The following POM121L12 variants were observed in gnomAD, a reference collection of about 807,000 sequenced individuals.
POM121L12 encodes the protein POM121-like protein 12.
For missense variants in POM121L12, 553 were observed against 409.2 expected (o/e 1.35, Z -3.03); for synonymous variants, 251 against 179.2 (o/e 1.40, Z -3.20).
rs374272329 is a variant in POM121L12 at position 53,035,749 on chromosome 7, C to G, written c.78C>G (p.Pro26=). The stretch of plus-strand genomic sequence containing the variant: ...CGGGAGAACCCCTGCTGCAAGGCCC[C>G]GACGCCCTGGCGGCTCCCATGAGCA... The part of the protein sequence containing the change: ...WKAGEPLLQG[P]DALAAPMSRS... The change falls in exon 1 of 1, where the codon CCC becomes CCG. Residue 26 remains proline (P), a synonymous_variant. Transcript: ENST00000408890. 15 of 1,613,346 alleles carry G rather than the reference C, an allele frequency of 9.3e-6. No individual in the cohort carries two copies. The highest frequency in any genetic ancestry group is 1.3e-5 in the African/African-American group (1 of 74,924).
At position 53,036,497 on chromosome 7, in the gene POM121L12, G is replaced by A. The variant is rs765574512; in HGVS notation, c.826G>A (p.Gly276Ser). The change falls in exon 1 of 1, where the codon GGC becomes AGC. Residue 276 changes from glycine to serine, a missense_variant. Gly to Ser is a moderately conservative substitution (Grantham distance 56, BLOSUM62 0). Transcript: ENST00000408890. ...CTGGGAGGCGACAACGCCTTCCTGC[G>A]GCAGCTGCAGTAGGGTCTCCTTCGC... ...DFWEATTPSC[G>S]SCSRVSFALE... 1.2e-6 allele frequency: 2 copies of A among 1,613,902 alleles called. No individual in the cohort carries two copies. Among genetic ancestry groups the A allele is most frequent in the South Asian group, 1.1e-5 (1 of 91,076 alleles).
rs1395465893 is a variant in POM121L12, at chr7:53,036,196, G to A, written c.525G>A (p.Arg175=). The change falls in exon 1 of 1, where the codon CGG becomes CGA. Residue 175 remains arginine, a synonymous_variant. Coordinates refer to ENST00000408890, the MANE Select transcript of POM121L12 (RefSeq NM_182595.4). The stretch of plus-strand genomic sequence containing the variant: ...AGGAGCTCCTGGACCCCTGCACCCG[G>A]GAGACTCTGCTGGGGGCGCTCAGCC... ...AAQELLDPCT[R]ETLLGALSQC... 2 of 1,612,160 alleles carry A rather than the reference G, an allele frequency of 1.2e-6. No individual in the cohort carries two copies. Among genetic ancestry groups the A allele is most frequent in the Non-Finnish European group, 1.7e-6 (2 of 1,179,732 alleles).
chr7:53,036,144 C>CCCGCCCCGCAGG lies in POM121L12; in HGVS notation c.483_494dup (p.Gly162_Ala165dup), dbSNP rs1374477957. On this transcript the variant is annotated inframe_insertion, in exon 1 of 1. Coordinates refer to ENST00000408890, the MANE Select transcript of POM121L12 (RefSeq NM_182595.4). ...CCCTGGAGATCCCCTGGACAGAGAG[C>CCCGCCCCGCAGG]CCGCCCCGCAGGCCGCCCCGCCGCC... 3 of 1,610,538 alleles carry CCCGCCCCGCAGG rather than the reference C, an allele frequency of 1.9e-6. No individual in the cohort carries two copies. The highest frequency in any genetic ancestry group is 1.3e-5 in the African/African-American group (1 of 74,798).
At position 53,036,402 on chromosome 7, in the gene POM121L12, G is replaced by T; in HGVS notation, c.731G>T (p.Ser244Ile). ...GPLKPSLGPW[S>I]LSFCDDAWPS... The stretch of plus-strand genomic sequence containing the variant: ...CTGAAGCCGAGCCTCGGCCCCTGGA[G>T]CCTCAGTTTTTGTGATGATGCTTGG... The change falls in exon 1 of 1, where the codon AGC becomes ATC. Residue 244 changes from serine (S) to isoleucine (I), a missense_variant. Ser to Ile is a moderately radical substitution (Grantham distance 142). Transcript: ENST00000408890. The T allele has an allele frequency of 6.2e-7, 1 of 1,613,778 alleles. No homozygotes were observed. The highest frequency in any genetic ancestry group is 8.5e-7 in the Non-Finnish European group (1 of 1,180,006).
rs778601758 is a variant in POM121L12, at chr7:53,036,696, G to T, written c.*134G>T. 3 of 973,992 alleles carry T rather than the reference G, an allele frequency of 3.1e-6. No individual in the cohort carries two copies. Among genetic ancestry groups the T allele is most frequent in the Non-Finnish European group, 4.5e-6 (3 of 661,828 alleles). 60.3% of individuals were successfully genotyped at this position (973,992 alleles called of 1,614,324 possible). On this transcript the variant is annotated 3_prime_UTR_variant, in exon 1 of 1. Coordinates refer to ENST00000408890, the MANE Select transcript of POM121L12 (RefSeq NM_182595.4). Reference sequence around the variant, plus strand: ...CATGCAGCCCCCACACCCCTCGTCTGCCCGCCCCCAGATCTTCCCTCTGTG... The same window carrying T: ...CATGCAGCCCCCACACCCCTCGTCTTCCCGCCCCCAGATCTTCCCTCTGTG...
Position 53,036,162 on chromosome 7 carries a change from C to A in POM121L12, c.491C>A (p.Pro164His), listed in dbSNP as rs1358921097. ...PGQRARPAGR[P>H]AAQELLDPCT... ...CAGAGAGCCCGCCCCGCAGGCCGCC[C>A]CGCCGCCCAGGAGCTCCTGGACCCC... The change falls in exon 1 of 1, where the codon CCC becomes CAC. Residue 164 changes from proline to histidine, a missense_variant. Physicochemically the swap from Pro to His is moderately conservative, Grantham distance 77. Coordinates refer to ENST00000408890, the MANE Select transcript of POM121L12 (RefSeq NM_182595.4). The A allele has an allele frequency of 6.2e-7, 1 of 1,609,556 alleles. No individual in the cohort carries two copies. The highest frequency in any genetic ancestry group is 2.2e-5 in the East Asian group (1 of 44,764).
chr7:53,036,347 G>T lies in POM121L12; in HGVS notation c.676G>T (p.Val226Phe), dbSNP rs1583692446. 5 of 1,614,028 alleles carry T rather than the reference G, an allele frequency of 3.1e-6. No homozygotes were observed. The highest frequency in any genetic ancestry group is 4.2e-6 in the Non-Finnish European group (5 of 1,180,014). The change falls in exon 1 of 1, where the codon GTT becomes TTT. Residue 226 changes from valine to phenylalanine, a missense_variant. By Grantham distance (50) the Val-to-Phe change is conservative. Coordinates refer to ENST00000408890, the MANE Select transcript of POM121L12 (RefSeq NM_182595.4). The part of the protein sequence containing the change: ...AFKPLSKNGA[V>F]ASFVPRPGPL... ...CAAGCCCCTGAGCAAAAATGGAGCG[G>T]TTGCTTCCTTCGTGCCCAGGCCAGG...
rs1364493136 is a variant in POM121L12 at position 53,036,603 on chromosome 7, A to G, written c.*41A>G. 1 of 1,549,348 alleles carries G rather than the reference A, an allele frequency of 6.5e-7. No individual in the cohort carries two copies. Among genetic ancestry groups the G allele is most frequent in the Non-Finnish European group, 8.7e-7 (1 of 1,148,814 alleles). ...TACCCACCTCCGGAGACACAAGCCC[A>G]CGTATCTACTTTCACTTGCTCATCC... On this transcript the variant is annotated 3_prime_UTR_variant, in exon 1 of 1. Coordinates refer to ENST00000408890, the MANE Select transcript of POM121L12 (RefSeq NM_182595.4).
rs755281512 is a variant in POM121L12 at position 53,036,255 on chromosome 7, C to A, written c.584C>A (p.Pro195Gln). 3 of 1,614,034 alleles carry A rather than the reference C, an allele frequency of 1.9e-6. No individual in the cohort carries two copies. The highest frequency in any genetic ancestry group is 2.5e-6 in the Non-Finnish European group (3 of 1,180,000). The change falls in exon 1 of 1, where the codon CCG (proline) becomes CAG (glutamine). Residue 195 changes from proline (P) to glutamine (Q), a missense_variant. Coordinates refer to ENST00000408890, the MANE Select transcript of POM121L12 (RefSeq NM_182595.4). ...CPKGSARFDGPLWFEVSDSKG... is the reference protein window; with the variant it reads ...CPKGSARFDGQLWFEVSDSKG... Reference sequence around the variant, plus strand: ...AAGGGAAGCGCTAGGTTCGACGGGCCGTTGTGGTTCGAGGTCTCAGACAGC... The same window carrying A: ...AAGGGAAGCGCTAGGTTCGACGGGCAGTTGTGGTTCGAGGTCTCAGACAGC...
In POM121L12 at chr7:53,036,871, A is replaced by ATC. The variant is rs1352559768; in HGVS notation, c.*309_*310insTC. On this transcript the variant is annotated 3_prime_UTR_variant, in exon 1 of 1. Coordinates refer to ENST00000408890, the MANE Select transcript of POM121L12 (RefSeq NM_182595.4). ...TCCATGTCTCCCAGTTTGTATAGTT[A>ATC]AATTGTCCAGTTGTATAGTTAAATA... 8 of 371,188 alleles carry ATC rather than the reference A, an allele frequency of 2.2e-5. No individual in the cohort carries two copies. The highest frequency in any genetic ancestry group is 4.2e-5 in the Admixed American group (1 of 23,792). 23.0% of individuals were successfully genotyped at this position (371,188 alleles called of 1,614,324 possible). A position where few individuals can be genotyped will look rare whatever the true frequency, so the allele number is the denominator to read the frequency against.
In POM121L12 at chr7:53,035,699, G is replaced by A. The variant is rs1376840772; in HGVS notation, c.28G>A (p.Ala10Thr). 4 of 1,601,232 alleles carry A rather than the reference G, an allele frequency of 2.5e-6. No individual in the cohort carries two copies. In the African/African-American group the frequency reaches 4.0e-5, roughly 16 times the overall value. ...GGGCGCTGCAGCTCCGGCCGAGTCC[G>A]CAGACCTCGGGAACTTCTGGAAGGC... MGAAAPAES[A>T]DLGNFWKAGE... Residue 10 changes from alanine (A) to threonine (T), a missense_variant, in exon 1 of 1, where the codon GCA (alanine) becomes ACA (threonine). Coordinates refer to ENST00000408890, the MANE Select transcript of POM121L12 (RefSeq NM_182595.4).
Position 53,036,254 on chromosome 7 carries a change from C to T in POM121L12, c.583C>T (p.Pro195Ser), listed in dbSNP as rs1282004072. Residue 195 changes from proline to serine, a missense_variant, in exon 1 of 1, where the codon CCG (proline) becomes TCG (serine). Transcript: ENST00000408890. ...CPKGSARFDG[P>S]LWFEVSDSKG... ...CAAGGGAAGCGCTAGGTTCGACGGG[C>T]CGTTGTGGTTCGAGGTCTCAGACAG... 6.2e-7 allele frequency: 1 copy of T among 1,614,044 alleles called. No individual in the cohort carries two copies. The highest frequency in any genetic ancestry group is 2.2e-5 in the East Asian group (1 of 44,832).
rs527696246 is a variant in POM121L12, at chr7:53,035,967, G to T, written c.296G>T (p.Arg99Leu). The change falls in exon 1 of 1, where the codon CGC becomes CTC. Residue 99 changes from arginine to leucine, a missense_variant. Arg to Leu is a moderately radical substitution (Grantham distance 102). Coordinates refer to ENST00000408890, the MANE Select transcript of POM121L12 (RefSeq NM_182595.4). ...CGGGTGGTCTCCGAGGGCTGGAGGC[G>T]CCCTGCCCTTCCCGGGGAGACCGCT... ...PQRVVSEGWR[R>L]PALPGETALG... The T allele has an allele frequency of 3.1e-6, 5 of 1,612,388 alleles. No homozygotes were observed. The highest frequency in any genetic ancestry group is 1.1e-5 in the South Asian group (1 of 91,044).
rs773409594 is a variant in POM121L12, at chr7:53,035,788, G to T, written c.117G>T (p.Thr39=). Residue 39 remains threonine, a synonymous_variant, in exon 1 of 1, where the codon ACG becomes ACT. Coordinates refer to ENST00000408890, the MANE Select transcript of POM121L12 (RefSeq NM_182595.4). ...LAAPMSRSPS[T]PQTTPSPQGR... is the part of the protein sequence containing the mutation. Reference sequence around the variant, plus strand: ...CTCCCATGAGCAGGTCACCCAGCACGCCCCAGACCACGCCATCTCCCCAGG... The same window carrying T: ...CTCCCATGAGCAGGTCACCCAGCACTCCCCAGACCACGCCATCTCCCCAGG... The T allele has an allele frequency of 1.9e-6, 3 of 1,613,648 alleles. No individual in the cohort carries two copies. Among genetic ancestry groups the T allele is most frequent in the South Asian group, 1.1e-5 (1 of 91,076 alleles).
In POM121L12 at chr7:53,036,000, G is replaced by A; in HGVS notation, c.329G>A (p.Arg110Gln). ...CTTCCCGGGGAGACCGCTCTGGGGC[G>A]AGACCTCTCCTGTGCCTGGGAGGGT... Reference protein sequence around the residue: ...PALPGETALGRDLSCAWEGCM... With the variant: ...PALPGETALGQDLSCAWEGCM... Residue 110 changes from arginine (R) to glutamine (Q), a missense_variant, in exon 1 of 1, where the codon CGA becomes CAA. Transcript: ENST00000408890. 6.2e-7 allele frequency: 1 copy of A among 1,613,022 alleles called. No individual in the cohort carries two copies.
the POM121L12 span, chr7:53,036,097 G>GC: frequency 4.3e-6 from 7 of 1,612,176 alleles, no homozygotes; most frequent in South Asian, 7.7e-5. Context: ...TCGGGATCGC[G>GC]CCCCCTGAGC....
At position 53,036,644 on chromosome 7, in the gene POM121L12, G is replaced by A; in HGVS notation, c.*82G>A. On this transcript the variant is annotated 3_prime_UTR_variant, in exon 1 of 1. Coordinates refer to ENST00000408890, the MANE Select transcript of POM121L12 (RefSeq NM_182595.4). ...TTGCTCATCCTTGCTCTACCTCAAC[G>A]TGGGGCCCTGACACCACGTTATCAA... 6.9e-7 allele frequency: 1 copy of A among 1,443,366 alleles called. No homozygotes were observed. Among genetic ancestry groups the A allele is most frequent in the South Asian group, 1.3e-5 (1 of 74,092 alleles). The allele number at this position is 1,443,366 out of a possible 1,614,324, so 89.4% of individuals were successfully genotyped here.
In POM121L12 at chr7:53,036,340, T is replaced by C; in HGVS notation, c.669T>C (p.Asn223=). 1 of 1,613,812 alleles carries C rather than the reference T, an allele frequency of 6.2e-7. No homozygotes were observed. Among genetic ancestry groups the C allele is most frequent in the East Asian group, 2.2e-5 (1 of 44,836 alleles). ...CTGCCTTCAAGCCCCTGAGCAAAAA[T>C]GGAGCGGTTGCTTCCTTCGTGCCCA... ...RPSAFKPLSK[N]GAVASFVPRP... is the part of the protein sequence containing the mutation. The change falls in exon 1 of 1, where the codon AAT becomes AAC. Residue 223 remains asparagine (N), a synonymous_variant. Coordinates refer to ENST00000408890, the MANE Select transcript of POM121L12 (RefSeq NM_182595.4).
chr7:53,036,470 T>C lies in POM121L12; in HGVS notation c.799T>C (p.Phe267Leu). Residue 267 changes from phenylalanine (F) to leucine (L), a missense_variant, in exon 1 of 1, where the codon TTC becomes CTC. Phe to Leu is a conservative substitution (Grantham distance 22). Transcript: ENST00000408890. ...VQPAPSAIWD[F>L]WEATTPSCGS... Reference sequence around the variant, plus strand: ...GCCCGCCCCATCCGCCATCTGGGACTTCTGGGAGGCGACAACGCCTTCCTG... The same window carrying C: ...GCCCGCCCCATCCGCCATCTGGGACCTCTGGGAGGCGACAACGCCTTCCTG... The C allele has an allele frequency of 1.2e-6, 2 of 1,613,946 alleles. No individual in the cohort carries two copies. Among genetic ancestry groups the C allele is most frequent in the Non-Finnish European group, 1.7e-6 (2 of 1,180,024 alleles).
Sources: allele counts gnomAD v4.1 joint callset, GRCh38; gene constraint gnomAD v4.1.1; transcripts MANE v1.5; gene names NCBI Gene and HGNC (gene_info 2026-07-23, HGNC 2026-07-21).